Variants in LMBRD1 observed in about 807,000 individuals in gnomAD.
LMBRD1 encodes the protein LMBR1 domain containing 1.
Under a neutral mutation model 74.8 loss-of-function variants are expected in LMBRD1, and 64 were observed. The ratio of observed to expected loss-of-function variants is 0.86; its 90% CI spans 0.70 to 1.05. LMBRD1 has a LOEUF of 1.05. LMBRD1 is among the 50% of genes least tolerant of loss of function. The probability of loss-of-function intolerance (pLI) is 0.00; values close to 1 mark genes in which losing one functional copy is unlikely to be tolerated. For synonymous variants in LMBRD1, 204 were observed against 216.3 expected (o/e 0.94, Z 0.50); for missense variants, 652 against 645.9 (o/e 1.01, Z -0.10).
chr6:69,709,174 C>T (rs528589106), intron 9 of LMBRD1, among the ~76,000 whole-genome samples: 58 of 151,550 alleles, frequency 3.8e-4, no homozygotes, highest in African/African-American at 1.2e-3. Flanking sequence ...GCGGAGCTTG[C>T]GGTGAGCCGA....
intron 5 of LMBRD1, among the ~76,000 whole-genome samples, chr6:69,744,061 C>G (rs1274861221): frequency 6.6e-6 from 1 of 152,080 alleles, no homozygotes; most frequent in Non-Finnish European, 1.5e-5. Context: ...AGGAAAGAAA[C>G]AGCAGTTAAA....
At chr6:69,725,398 T>C (rs529005457) in intron 7 of LMBRD1, among the ~76,000 whole-genome samples, 1 of 151,016 alleles carries the variant, frequency 6.6e-6, no homozygotes, top group East Asian at 1.9e-4. Context: ...CTAAAGTGTA[T>C]ACAGAATCCC....
intron 3 of LMBRD1, among the ~76,000 whole-genome samples, chr6:69,771,001 C>T (rs1765564708): frequency 6.6e-6 from 1 of 152,080 alleles, no homozygotes; most frequent in Non-Finnish European, 1.5e-5. Context: ...AGGAGTGAAA[C>T]TGAAATGTTC....
chr6:69,709,264 T>G (rs903213578), intron 9 of LMBRD1, among the ~76,000 whole-genome samples: 1 of 151,774 alleles, frequency 6.6e-6, no homozygotes, highest in Non-Finnish European at 1.5e-5. Context: ...AAACATTAAT[T>G]GAAAATTTGG....
chr6:69,762,992 A>C (rs1206199081), intron 3 of LMBRD1, among the ~76,000 whole-genome samples: 1 of 152,170 alleles, frequency 6.6e-6, no homozygotes, highest in African/African-American at 2.4e-5. Context: ...GGTACTGAGA[A>C]GTGGGCTGCT....
intron 14 of LMBRD1, among the ~76,000 whole-genome samples, chr6:69,689,935 G>A (rs903830653): frequency 2.0e-5 from 3 of 152,036 alleles, no homozygotes; most frequent in Admixed American, 1.3e-4. Flanking sequence ...TGGGGGATTG[G>A]TTCCAGGAAT....
At chr6:69,705,453 C>A (rs571280455) in intron 9 of LMBRD1, 136 of 1,326,256 alleles carry the variant, frequency 1.0e-4, no homozygotes, top group Admixed American at 1.4e-4. Flanking sequence ...AGAACTAGGT[C>A]CTTTTGGTGT....
intron 9 of LMBRD1, among the ~76,000 whole-genome samples, chr6:69,708,977 G>A (rs1472694936): frequency 6.6e-6 from 1 of 152,200 alleles, no homozygotes; most frequent in Non-Finnish European, 1.5e-5. Flanking sequence ...GCTCAAGCCT[G>A]TAATCCCAGC....
chr6:69,776,108 T>A (rs1366197464), intron 3 of LMBRD1, among the ~76,000 whole-genome samples: 1 of 152,246 alleles, frequency 6.6e-6, no homozygotes, highest in Non-Finnish European at 1.5e-5. Context: ...AAGACCTATA[T>A]TATTCACTGA....
At chr6:69,716,505 CTT>C (rs1195330643) in intron 8 of LMBRD1, among the ~76,000 whole-genome samples, 2 of 151,872 alleles carry the variant, frequency 1.3e-5, no homozygotes, top group African/African-American at 4.8e-5. Context: ...CTGAATAACT[CTT>C]TGAGGCTGAT....
chr6:69,764,448 A>G (rs1211939108), intron 3 of LMBRD1, among the ~76,000 whole-genome samples: 1 of 152,196 alleles, frequency 6.6e-6, no homozygotes, highest in African/African-American at 2.4e-5. Context: ...CTCCAGAACT[A>G]TGAGAAATAC....
At chr6:69,693,749 G>A (rs890662503) in intron 14 of LMBRD1, among the ~76,000 whole-genome samples, 1 of 151,610 alleles carries the variant, frequency 6.6e-6, no homozygotes, top group Non-Finnish European at 1.5e-5. Context: ...TAGGGATGGG[G>A]TGGCATCCCT....
intron 1 of LMBRD1, among the ~76,000 whole-genome samples, chr6:69,796,115 C>T (rs1380052265): frequency 6.6e-6 from 1 of 152,166 alleles, no homozygotes; most frequent in Middle Eastern, 3.2e-3. Context: ...ACTTTGCTCA[C>T]TGAATATGCA....
chr6:69,699,275 A>AT, intron 12 of LMBRD1, 83 bp from the exon 13 acceptor site: 1 of 1,197,796 alleles, frequency 8.3e-7, no homozygotes, highest in Non-Finnish European at 1.2e-6. Context: ...ATGGGAAATG[A>AT]TTTACACAGT....
At chr6:69,762,968 A>G (rs1309581065) in intron 3 of LMBRD1, among the ~76,000 whole-genome samples, 1 of 152,184 alleles carries the variant, frequency 6.6e-6, no homozygotes, top group Non-Finnish European at 1.5e-5. Context: ...CAAACTGACT[A>G]TAAGACAGAT....
At chr6:69,704,058 A>C (rs560610753) in intron 9 of LMBRD1, among the ~76,000 whole-genome samples, 2 of 152,064 alleles carry the variant, frequency 1.3e-5, no homozygotes, top group Non-Finnish European at 2.9e-5. Context: ...TTCTCAATAC[A>C]TCATATCAAG....
intron 14 of LMBRD1, 64 bp from the exon 15 acceptor site, chr6:69,676,605 T>C: frequency 8.1e-7 from 1 of 1,241,710 alleles, no homozygotes; most frequent in Non-Finnish European, 1.2e-6. Context: ...GATTAATACT[T>C]TCTCTAAAAG....
chr6:69,718,819 A>T (rs980602642), intron 8 of LMBRD1, 137 bp downstream of exon 8: 1 of 840,744 alleles, frequency 1.2e-6, no homozygotes, highest in African/African-American at 1.7e-5. Flanking sequence ...GGACACAGTC[A>T]AACTGTACCA....
chr6:69,739,115 G>A (rs776508147), intron 6 of LMBRD1, among the ~76,000 whole-genome samples: 5 of 152,084 alleles, frequency 3.3e-5, no homozygotes, highest in Admixed American at 2.0e-4. Context: ...ACTAGGAGGG[G>A]TCTGACATCT....
Sources: gnomAD v4.1 joint callset for allele counts (sites outside exome capture counted in the v4.1 genomes callset) on GRCh38, gnomAD v4.1.1 for gene constraint, MANE v1.5 for transcripts, NCBI Gene and HGNC (gene_info 2026-07-23, HGNC 2026-07-21) for gene names.